The following EIF3H variants were observed in gnomAD, a reference collection of about 807,000 sequenced individuals.
EIF3H encodes eukaryotic translation initiation factor 3 subunit H, also known as eIF-3-gamma.
In EIF3H, 26 loss-of-function variants were observed where a neutral mutation model predicts 44.2. The ratio of observed to expected loss-of-function variants is 0.59; its 90% CI spans 0.43 to 0.82. The LOEUF (loss-of-function observed/expected upper bound fraction) is 0.82, where lower values mean the gene tolerates loss of function less well. Ranked by LOEUF, EIF3H falls within the 40% of genes least tolerant of loss-of-function variation. The pLI is 0.00. For missense variants in EIF3H, 359 were observed against 432.8 expected (o/e 0.83, Z 1.51); for synonymous variants, 166 against 151.9 (o/e 1.09, Z -0.68).
At chr8:116,712,072 G>C (rs1814580370) in intron 2 of EIF3H, among the ~76,000 whole-genome samples, 1 of 152,206 alleles carries the variant, frequency 6.6e-6, no homozygotes, top group Admixed American at 6.5e-5. Flanking sequence ...ATAGTGACTT[G>C]AGAACAACTG....
At position 116,709,176 on chromosome 8, in the gene EIF3H, T is replaced by C. The variant is rs114308440; in HGVS notation, c.289+16840A>G. 4.7e-3 allele frequency among the ~76,000 whole-genome samples: 717 copies of C among 152,248 alleles called. 4 individuals are homozygous for C. The highest frequency in any genetic ancestry group is 0.016 in the African/African-American group (674 of 41,562). On this transcript the variant is annotated intron_variant, in intron 2 of 7. Coordinates refer to ENST00000521861, the MANE Select transcript of EIF3H (RefSeq NM_003756.3). Reference sequence around the variant, plus strand: ...TCATATATGGTACTCATTACCACAATTGCACTATTTAATCTACTTCCTGGT... The same window carrying C: ...TCATATATGGTACTCATTACCACAACTGCACTATTTAATCTACTTCCTGGT...
At chr8:116,752,041 G>T (rs891490310) in intron 1 of EIF3H, among the ~76,000 whole-genome samples, 2 of 152,084 alleles carry the variant, frequency 1.3e-5, no homozygotes, top group African/African-American at 4.8e-5. Flanking sequence ...ATGCACAGAT[G>T]GAGAAGAAAC....
At chr8:116,705,777 A>T (rs951739412) in intron 2 of EIF3H, among the ~76,000 whole-genome samples, 6 of 152,122 alleles carry the variant, frequency 3.9e-5, no homozygotes, top group Non-Finnish European at 8.8e-5. Flanking sequence ...TCACCAGAAA[A>T]ACTGGTGAAA....
intron 2 of EIF3H, among the ~76,000 whole-genome samples, chr8:116,672,136 T>C (rs1007071028): frequency 1.3e-5 from 2 of 152,092 alleles, no homozygotes; most frequent in African/African-American, 4.8e-5. Flanking sequence ...TTTAAAAGAG[T>C]TAAAGCAGAG....
chr8:116,663,265 C>T (rs1467240051), intron 2 of EIF3H, among the ~76,000 whole-genome samples: 1 of 152,158 alleles, frequency 6.6e-6, no homozygotes, highest in Non-Finnish European at 1.5e-5. Context: ...AAAAAAGAGG[C>T]TCCTTGACTC....
chr8:116,644,931 T>C lies in EIF3H; in HGVS notation c.*75A>G. On this transcript the variant is annotated 3_prime_UTR_variant, in exon 8 of 8. Transcript: ENST00000521861. ...TCCTCTGTGCTTTTCAATATGCAAA[T>C]ATATTTCTTCCAAGAGTTGCCCTGG... The C allele has an allele frequency of 3.4e-6, 4 of 1,177,250 alleles. No homozygotes were observed. Among genetic ancestry groups the C allele is most frequent in the Non-Finnish European group, 5.0e-6 (4 of 804,734 alleles). 72.9% of individuals were successfully genotyped at this position (1,177,250 alleles called of 1,614,324 possible).
chr8:116,721,075 G>A (rs937769982), intron 2 of EIF3H, among the ~76,000 whole-genome samples: 3 of 152,104 alleles, frequency 2.0e-5, no homozygotes, highest in African/African-American at 4.8e-5. Flanking sequence ...AGGGCACGTC[G>A]GAGACCTTCA....
chr8:116,685,802 T>C lies in EIF3H; in HGVS notation c.290-26822A>G, dbSNP rs562638602. ...AATTCTACGCTTACTTCAGTATAAA[T>C]TGCCTTACATTTGTGACATTTTTAA... On this transcript the variant is annotated intron_variant, in intron 2 of 7. Coordinates refer to ENST00000521861, the MANE Select transcript of EIF3H (RefSeq NM_003756.3). 9.2e-5 allele frequency among the ~76,000 whole-genome samples: 14 copies of C among 152,296 alleles called. No individual in the cohort carries two copies. In the South Asian group the frequency reaches 1.2e-3, roughly 14 times the overall value.
intron 2 of EIF3H, among the ~76,000 whole-genome samples, chr8:116,680,046 T>C (rs1391875051): frequency 7.6e-5 from 1 of 13,072 alleles, no homozygotes. Context: ...GGGGGGGGGG[T>C]CGGCCAGCCG....
Position 116,744,226 on chromosome 8 carries a change from A to C in EIF3H, c.132+11440T>G, listed in dbSNP as rs200844311. Among the ~76,000 whole-genome samples the C allele has an allele frequency of 2.0e-4, 31 of 151,660 alleles. No individual in the cohort carries two copies. In the East Asian group the frequency reaches 5.8e-3, roughly 28 times the overall value. On this transcript the variant is annotated intron_variant, in intron 1 of 7. Transcript: ENST00000521861. ...ACATAGAAAGTATTAAAAAAAAAAAAAACAAACAGTAAGCCTCAAGATACA... is the reference window on the plus strand; with the variant it reads ...ACATAGAAAGTATTAAAAAAAAAAACAACAAACAGTAAGCCTCAAGATACA...
intron 2 of EIF3H, among the ~76,000 whole-genome samples, chr8:116,691,154 T>C (rs1338644076): frequency 6.6e-6 from 1 of 152,218 alleles, no homozygotes. Flanking sequence ...TTAAACTACT[T>C]AGTTAGGAAA....
At chr8:116,672,003 AT>A (rs1813766537) in intron 2 of EIF3H, among the ~76,000 whole-genome samples, 1 of 152,250 alleles carries the variant, frequency 6.6e-6, no homozygotes, top group Admixed American at 6.5e-5. Flanking sequence ...TAGTTTAAAA[AT>A]AACCTAATTT....
intron 2 of EIF3H, among the ~76,000 whole-genome samples, chr8:116,705,529 A>G (rs1814455668): frequency 7.1e-6 from 1 of 141,534 alleles, no homozygotes; most frequent in Admixed American, 7.1e-5. Flanking sequence ...GAATGCAATG[A>G]CAGGGGCACT....
At chr8:116,669,780 T>G (rs1179329246) in intron 2 of EIF3H, among the ~76,000 whole-genome samples, 2 of 152,186 alleles carry the variant, frequency 1.3e-5, no homozygotes, top group Admixed American at 1.3e-4. Context: ...GTGACAGCAG[T>G]TATAGAAAAG....
At chr8:116,678,284 T>C (rs1813887144) in intron 2 of EIF3H, among the ~76,000 whole-genome samples, 1 of 151,986 alleles carries the variant, frequency 6.6e-6, no homozygotes, top group South Asian at 2.1e-4. Flanking sequence ...CGGAGTCTCG[T>C]TCACTCAGTG....
At chr8:116,680,680 C>CA (rs1813968421) in intron 2 of EIF3H, among the ~76,000 whole-genome samples, 1 of 132,390 alleles carries the variant, frequency 7.6e-6, no homozygotes, top group Non-Finnish European at 1.6e-5. Flanking sequence ...CCCAGGGACA[C>CA]AAACACTGCG....
chr8:116,716,960 T>C (rs999312446), intron 2 of EIF3H, among the ~76,000 whole-genome samples: 5 of 152,060 alleles, frequency 3.3e-5, no homozygotes, highest in Non-Finnish European at 7.4e-5. Context: ...CCGAGGTGGA[T>C]GGCACAAAAA....
intron 1 of EIF3H, among the ~76,000 whole-genome samples, chr8:116,742,238 C>CT (rs773797310): frequency 1.3e-5 from 2 of 152,112 alleles, no homozygotes; most frequent in African/African-American, 2.4e-5. Flanking sequence ...TGATGGTCCA[C>CT]ATTTTTAAAG....
chr8:116,679,769 C>A (rs1813935383), intron 2 of EIF3H, among the ~76,000 whole-genome samples: 1 of 12,512 alleles, frequency 8.0e-5, no homozygotes. Flanking sequence ...GTGGGGGGGT[C>A]AGCCCCCCGC....
Sources: gnomAD v4.1 joint callset for allele counts (sites outside exome capture counted in the v4.1 genomes callset) on GRCh38, gnomAD v4.1.1 for gene constraint, MANE v1.5 for transcripts, NCBI Gene and HGNC (gene_info 2026-07-23, HGNC 2026-07-21) for gene names.